PKIA: variants seen among roughly 807,000 people sequenced by gnomAD.
The protein encoded by PKIA is PKI-alpha.
A neutral mutation model predicts 7.6 loss-of-function variants in PKIA; 4 were observed. That is an observed-to-expected ratio of 0.52 (90% CI 0.26 to 1.20). The LOEUF (loss-of-function observed/expected upper bound fraction) is 1.20. PKIA is among the 50% of genes most tolerant of loss of function. PKIA has a pLI of 0.13. For missense variants in PKIA, 73 were observed against 86.2 expected (o/e 0.85, Z 0.61); for synonymous variants, 21 against 30.7 (o/e 0.68, Z 1.04).
At chr8:78,546,427 TA>T (rs1806825682) in intron 1 of PKIA, among the ~76,000 whole-genome samples, 1 of 152,212 alleles carries the variant, frequency 6.6e-6, no homozygotes, top group Non-Finnish European at 1.5e-5. Flanking sequence ...TTGTTTCATG[TA>T]AACTTCTGTA....
At chr8:78,551,585 A>G (rs900776317) in intron 1 of PKIA, among the ~76,000 whole-genome samples, 2 of 152,072 alleles carry the variant, frequency 1.3e-5, no homozygotes, top group Non-Finnish European at 2.9e-5. Context: ...AGAAAGGATC[A>G]TCCACAAAAT....
intron 1 of PKIA, among the ~76,000 whole-genome samples, chr8:78,562,909 T>C (rs988848817): frequency 6.6e-6 from 1 of 151,824 alleles, no homozygotes; most frequent in African/African-American, 2.4e-5. Context: ...TGAATGAATA[T>C]GTGAAGGAAT....
intron 1 of PKIA, among the ~76,000 whole-genome samples, chr8:78,552,588 AG>A (rs1192977348): frequency 6.6e-6 from 1 of 152,050 alleles, no homozygotes; most frequent in Admixed American, 6.6e-5. Context: ...AAAGTTGCTT[AG>A]CAACAGAATC....
intron 1 of PKIA, among the ~76,000 whole-genome samples, chr8:78,566,791 A>G (rs1453095822): frequency 6.6e-6 from 1 of 152,168 alleles, no homozygotes; most frequent in Admixed American, 6.6e-5. Flanking sequence ...TATGATAATC[A>G]CTGCCCTCTG....
intron 1 of PKIA, among the ~76,000 whole-genome samples, chr8:78,528,769 A>G (rs2118352732): frequency 6.6e-6 from 1 of 151,980 alleles, no homozygotes; most frequent in East Asian, 1.9e-4. Context: ...GAGTTAGAGA[A>G]CAGCTGGTAC....
intron 1 of PKIA, among the ~76,000 whole-genome samples, chr8:78,553,374 C>A (rs1179735017): frequency 6.6e-6 from 1 of 151,924 alleles, no homozygotes. Context: ...CCACTCTAGA[C>A]CTCATACTCC....
chr8:78,550,237 G>C (rs1479974325), intron 1 of PKIA, among the ~76,000 whole-genome samples: 2 of 152,132 alleles, frequency 1.3e-5, no homozygotes, highest in African/African-American at 4.8e-5. Flanking sequence ...TTAGACATTT[G>C]TGTTTGCTAA....
chr8:78,570,066 A>G (rs6997757), intron 1 of PKIA, among the ~76,000 whole-genome samples: 26,677 of 152,104 alleles, frequency 0.18, 2,475 homozygotes, highest in East Asian at 0.41. Flanking sequence ...TAACATCCAT[A>G]TCATCAAACT....
intron 1 of PKIA, among the ~76,000 whole-genome samples, chr8:78,566,957 C>A (rs892160424): frequency 6.6e-6 from 1 of 152,056 alleles, no homozygotes; most frequent in African/African-American, 2.4e-5. Flanking sequence ...GAATTACCAA[C>A]CATTTTAGAA....
chr8:78,562,581 A>T (rs1253511780), intron 1 of PKIA, among the ~76,000 whole-genome samples: 1 of 152,168 alleles, frequency 6.6e-6, no homozygotes, highest in Non-Finnish European at 1.5e-5. Context: ...GCAAGCTTGT[A>T]GCTATCACGT....
At chr8:78,538,064 T>G (rs1806580201) in intron 1 of PKIA, among the ~76,000 whole-genome samples, 3 of 151,928 alleles carry the variant, frequency 2.0e-5, no homozygotes, top group Non-Finnish European at 4.4e-5. Context: ...CCTCATACCC[T>G]ATGCTGGCCC....
rs1383662978 is a variant in PKIA at position 78,517,994 on chromosome 8, G to C, written c.-157+1526G>C. The stretch of plus-strand genomic sequence containing the variant: ...TCAATGAAAAAGAGGGGCAGAGTTG[G>C]TAGCTTAAAATTTTACCTCTTTCTT... On this transcript the variant is annotated intron_variant, in intron 1 of 3. Coordinates refer to ENST00000396418, the MANE Select transcript of PKIA (RefSeq NM_006823.4). Among the ~76,000 whole-genome samples the C allele has an allele frequency of 2.6e-5, 4 of 152,182 alleles. No individual in the cohort carries two copies. In the East Asian group the frequency reaches 7.7e-4, roughly 29 times the overall value.
intron 2 of PKIA, among the ~76,000 whole-genome samples, chr8:78,594,104 C>G (rs1217123322): frequency 2.6e-5 from 4 of 152,090 alleles, no homozygotes; most frequent in Admixed American, 6.6e-5. Flanking sequence ...AACTATAGCT[C>G]TAGTTAGAAT....
chr8:78,602,694 A>AATATATATATATATATATATATATATAT lies in PKIA; in HGVS notation c.*893_*894insATATATATATATATATATATATATATAT, dbSNP rs34597437. The AATATATATATATATATATATATATATAT allele has an allele frequency of 2.6e-3, 360 of 136,730 alleles. 3 individuals carry two copies. Among genetic ancestry groups the AATATATATATATATATATATATATATAT allele is most frequent in the Middle Eastern group, 3.7e-3 (1 of 268 alleles). 8.5% of individuals were successfully genotyped at this position (136,730 alleles called of 1,614,324 possible). On this transcript the variant is annotated 3_prime_UTR_variant, in exon 4 of 4. Transcript: ENST00000396418. ...CTCAAGTGGAGAACTTCTCCCACAT[A>AATATATATATATATATATATATATATAT]ATATATATATATATATATATTTTAA...
intron 2 of PKIA, among the ~76,000 whole-genome samples, 185 bp downstream of exon 2, chr8:78,573,124 T>C (rs1807592592): frequency 6.6e-6 from 1 of 152,068 alleles, no homozygotes; most frequent in Non-Finnish European, 1.5e-5. Context: ...AATAACAGCA[T>C]GATGCTTTTT....
intron 1 of PKIA, among the ~76,000 whole-genome samples, chr8:78,528,424 A>G (rs1460375472): frequency 6.6e-6 from 1 of 152,074 alleles, no homozygotes; most frequent in East Asian, 1.9e-4. Context: ...TTAGCTCTAC[A>G]GTTCAAAAAT....
At chr8:78,543,817 T>C (rs1001756747) in intron 1 of PKIA, among the ~76,000 whole-genome samples, 1 of 152,218 alleles carries the variant, frequency 6.6e-6, no homozygotes, top group East Asian at 1.9e-4. Context: ...AAAATTACGA[T>C]GTCGTGTTGC....
chr8:78,598,095 ATAT>A (rs1425537849), intron 2 of PKIA, among the ~76,000 whole-genome samples: 8 of 148,140 alleles, frequency 5.4e-5, no homozygotes, highest in African/African-American at 7.3e-5. Context: ...ATAATAATTA[ATAT>A]TATTACATTT....
chr8:78,572,456 A>C (rs1332863862), intron 1 of PKIA, among the ~76,000 whole-genome samples: 2 of 151,660 alleles, frequency 1.3e-5, no homozygotes, highest in Non-Finnish European at 2.9e-5. Context: ...AAAAGACAGA[A>C]AACTTGCCTT....
Sources: allele counts gnomAD v4.1 joint callset (sites outside exome capture counted in the v4.1 genomes callset), GRCh38; gene constraint gnomAD v4.1.1; transcripts MANE v1.5; gene names NCBI Gene and HGNC (gene_info 2026-07-23, HGNC 2026-07-21).